Variants in MEX3C observed in about 807,000 individuals in gnomAD.
MEX3C encodes the protein RNA-binding E3 ubiquitin-protein ligase MEX3C.
A neutral mutation model predicts 35.5 loss-of-function variants in MEX3C; 15 were observed. That is an observed-to-expected ratio of 0.42 (90% confidence interval 0.28 to 0.65). MEX3C has a LOEUF of 0.65. MEX3C is among the 30% of genes least tolerant of loss of function. The pLI, the probability that MEX3C is intolerant of heterozygous loss-of-function variation, is 0.20. For missense variants in MEX3C, 711 were observed against 842.8 expected, an observed-to-expected ratio of 0.84 and a Z score of 1.94; for synonymous variants, 390 against 352.8, an observed-to-expected ratio of 1.11 and a Z score of -1.18.
intron 1 of MEX3C, chr18:51,194,103 G>A (rs965008930): frequency 1.3e-5 from 2 of 152,176 alleles, no homozygotes; most frequent in Admixed American, 6.5e-5. Context: ...ATTCTCTCCC[G>A]TGGGGAAATA....
chr18:51,195,631 C>A (rs1021200842), intron 1 of MEX3C: 6 of 152,188 alleles, frequency 3.9e-5, no homozygotes, highest in African/African-American at 1.4e-4. Context: ...CAGGTAACAT[C>A]TGCCCCTTTC....
intron 1 of MEX3C, among the ~76,000 whole-genome samples, chr18:51,192,009 A>G (rs2144557762): frequency 6.6e-6 from 1 of 152,314 alleles, no homozygotes; most frequent in Non-Finnish European, 1.5e-5. Flanking sequence ...TTCAAAACCA[A>G]ATCAGCAATA....
At chr18:51,180,631 C>T (rs936964626) in intron 1 of MEX3C, among the ~76,000 whole-genome samples, 1 of 152,100 alleles carries the variant, frequency 6.6e-6, no homozygotes, top group Admixed American at 6.6e-5. Context: ...GTGCCCACCA[C>T]CACACCCGGG....
rs1206266663 is a variant in MEX3C, at chr18:51,197,575, G to C, written c.-255C>G. ...GTGGGGACGGCGGCGGGGCGGGCTG[G>C]TGGAGGTGGCAGCGGCTCCCCTCTC... On this transcript the variant is annotated 5_prime_UTR_variant, in exon 1 of 2. Transcript: ENST00000406189. Among the ~76,000 whole-genome samples the C allele has an allele frequency of 6.6e-6, 1 of 150,448 alleles. No homozygotes were observed. Among genetic ancestry groups the C allele is most frequent in the Non-Finnish European group, 1.5e-5 (1 of 67,428 alleles).
intron 1 of MEX3C, among the ~76,000 whole-genome samples, chr18:51,178,689 G>A (rs185304511): frequency 2.0e-5 from 3 of 151,790 alleles, no homozygotes; most frequent in East Asian, 2.0e-4. Context: ...GTGAAACCCC[G>A]TCTTTACTAA....
intron 1 of MEX3C, among the ~76,000 whole-genome samples, chr18:51,178,719 G>A (rs1912357005): frequency 6.6e-6 from 1 of 151,812 alleles, no homozygotes; most frequent in African/African-American, 2.4e-5. Context: ...AATTAGCTGG[G>A]CGTGGTGGTG....
intron 1 of MEX3C, among the ~76,000 whole-genome samples, chr18:51,190,655 G>T (rs1912631589): frequency 6.6e-6 from 1 of 151,434 alleles, no homozygotes; most frequent in Admixed American, 6.6e-5. Context: ...TCAAACACTG[G>T]CATGGAAGAG....
In MEX3C at chr18:51,175,792, T is replaced by G. The variant is rs1046113376; in HGVS notation, c.*559A>C. The G allele has an allele frequency of 6.6e-6, 1 of 152,586 alleles. No homozygotes were observed. Among genetic ancestry groups the G allele is most frequent in the East Asian group, 1.9e-4 (1 of 5,200 alleles). The allele number at this position is 152,586 out of a possible 1,614,324, so 9.5% of individuals were successfully genotyped here. ...AATTATAACCAGTGATCTAGTAAAC[T>G]GCCATCAGCCCTATCATTACCAATA... On this transcript the variant is annotated 3_prime_UTR_variant, in exon 2 of 2. Coordinates refer to ENST00000406189, the MANE Select transcript of MEX3C (RefSeq NM_016626.5).
chr18:51,179,734 G>A (rs1912385376), intron 1 of MEX3C, among the ~76,000 whole-genome samples: 1 of 152,172 alleles, frequency 6.6e-6, no homozygotes, highest in African/African-American at 2.4e-5. Flanking sequence ...ATTTATACAG[G>A]CTAAATGTCC....
In MEX3C at chr18:51,196,891, G is replaced by T. The variant is rs1283423800; in HGVS notation, c.430C>A (p.Leu144Met). The T allele has an allele frequency of 1.3e-6, 2 of 1,540,460 alleles. No individual in the cohort carries two copies. Among genetic ancestry groups the T allele is most frequent in the Non-Finnish European group, 8.7e-7 (1 of 1,145,654 alleles). ...EEEDRSSLLL[L>M]SPPAATASQT... ...GAGGCGGTGGCCGCGGGCGGCGACA[G>T]CAGCAGCAGCGACGACCGGTCCTCC... The change falls in exon 1 of 2, where the codon CTG becomes ATG. Residue 144 changes from leucine to methionine, a missense_variant. Leu to Met is a conservative substitution (Grantham distance 15). Transcript: ENST00000406189.
Position 51,196,586 on chromosome 18 carries a change from G to C in MEX3C, c.735C>G (p.Ala245=). 6.3e-7 allele frequency: 1 copy of C among 1,591,372 alleles called. No individual in the cohort carries two copies. The highest frequency in any genetic ancestry group is 8.5e-7 in the Non-Finnish European group (1 of 1,174,616). The stretch of plus-strand genomic sequence containing the variant: ...ACTCACCCTGGCGGCCGACGATCTC[G>C]GCGACGTGCTCGGAGCTGGGCACCG... The part of the protein sequence containing the change: ...CVPVPSSEHV[A]EIVGRQGCKI... Residue 245 remains alanine (A), a synonymous_variant, in exon 1 of 2, where the codon GCC becomes GCG. Coordinates refer to ENST00000406189, the MANE Select transcript of MEX3C (RefSeq NM_016626.5).
chr18:51,191,106 A>G (rs1371093813), intron 1 of MEX3C, among the ~76,000 whole-genome samples: 1 of 152,156 alleles, frequency 6.6e-6, no homozygotes, highest in East Asian at 1.9e-4. Flanking sequence ...GTTTGGTTAC[A>G]AATTCTACAT....
rs1403166431 is a variant in MEX3C at position 51,177,416 on chromosome 18, T to C, written c.915A>G (p.Ala305=). The change falls in exon 2 of 2, where the codon GCA becomes GCG. Residue 305 remains alanine, a synonymous_variant. Transcript: ENST00000406189. This position sits in a 1 kb window ranked among gnomAD's most constrained non-coding sequence, Gnocchi z 4.2. ...SAAEHFSMIR[A]SRNKNGPALG... ...GGGCAGGCCCATTTTTGTTTCGAGA[T>C]GCACGAATCATGGAGAAGTGCTCTG... 2 of 1,614,012 alleles carry C rather than the reference T, an allele frequency of 1.2e-6. No individual in the cohort carries two copies. Among genetic ancestry groups the C allele is most frequent in the East Asian group, 2.2e-5 (1 of 44,874 alleles).
At chr18:51,184,391 G>A (rs559743606) in intron 1 of MEX3C, among the ~76,000 whole-genome samples, 1 of 152,230 alleles carries the variant, frequency 6.6e-6, no homozygotes, top group Non-Finnish European at 1.5e-5. Context: ...GTTGTAAGCT[G>A]CTAAATTAGC....
In MEX3C at chr18:51,197,618, A is replaced by C. The variant is rs919858893; in HGVS notation, c.-298T>G. On this transcript the variant is annotated 5_prime_UTR_variant, in exon 1 of 2. An upstream start codon of the reference 5' UTR is lost. Transcript: ENST00000406189. ...CCCCTCTCAGTGTTTCTTTTGTTTC[A>C]TGGCCTTAACCAGCCCCCGGCGCGC... is the stretch of plus-strand genomic sequence containing the variant. 1.3e-5 allele frequency among the ~76,000 whole-genome samples: 2 copies of C among 150,670 alleles called. No homozygotes were observed. The highest frequency in any genetic ancestry group is 4.9e-5 in the African/African-American group (2 of 40,902).
In MEX3C at chr18:51,175,253, GCA is replaced by G. The variant is rs1282251793; in HGVS notation, c.*1096_*1097del. 2.6e-5 allele frequency: 4 copies of G among 152,478 alleles called. No homozygotes were observed. Among genetic ancestry groups the G allele is most frequent in the African/African-American group, 9.7e-5 (4 of 41,386 alleles). The allele number at this position is 152,478 out of a possible 1,614,324, so 9.4% of individuals were successfully genotyped here. A position where few individuals can be genotyped will look rare whatever the true frequency, so the allele number is the denominator to read the frequency against. On this transcript the variant is annotated 3_prime_UTR_variant, in exon 2 of 2. Coordinates refer to ENST00000406189, the MANE Select transcript of MEX3C (RefSeq NM_016626.5). The stretch of plus-strand genomic sequence containing the variant: ...ATAATGTTTTGTCCTTTCAATGCCA[GCA>G]CAGATTTGGGAACATACTGAGGATG...
At chr18:51,196,460 T>C (rs1037033522) in intron 1 of MEX3C, 107 bp downstream of exon 1, 24 of 1,474,450 alleles carry the variant, frequency 1.6e-5, no homozygotes, top group South Asian at 5.4e-5. Context: ...CGCGGTGGAC[T>C]TGGGGGCCTC....
Position 51,196,974 on chromosome 18 carries a change from T to C in MEX3C, c.347A>G (p.Glu116Gly), listed in dbSNP as rs1439256361. Reference sequence around the variant, plus strand: ...CAGGTCTCCGTCCAGCTCCGCTTCCTCCCCCTCCTCCTCGTCCTCTTCCAG... The same window carrying C: ...CAGGTCTCCGTCCAGCTCCGCTTCCCCCCCCTCCTCCTCGTCCTCTTCCAG... ...LELEEDEEEGEEAELDGDLLE... is the reference protein window; with the variant it reads ...LELEEDEEEGGEAELDGDLLE... Residue 116 changes from glutamate to glycine, a missense_variant, in exon 1 of 2, where the codon GAG becomes GGG. Glu to Gly is a moderately conservative substitution (Grantham distance 98). Coordinates refer to ENST00000406189, the MANE Select transcript of MEX3C (RefSeq NM_016626.5). 4 of 1,537,136 alleles carry C rather than the reference T, an allele frequency of 2.6e-6. No individual in the cohort carries two copies. Among genetic ancestry groups the C allele is most frequent in the African/African-American group, 2.8e-5 (2 of 71,194 alleles).
At chr18:51,182,372 T>C (rs982571262) in intron 1 of MEX3C, among the ~76,000 whole-genome samples, 2 of 152,132 alleles carry the variant, frequency 1.3e-5, no homozygotes, top group Non-Finnish European at 2.9e-5. Flanking sequence ...AATTTAAAAA[T>C]GTGAGGACTA....
Sources: allele counts gnomAD v4.1 joint callset (sites outside exome capture counted in the v4.1 genomes callset), GRCh38; gene constraint gnomAD v4.1.1; non-coding constraint Gnocchi (gnomAD v3.1); transcripts MANE v1.5; gene names NCBI Gene and HGNC (gene_info 2026-07-23, HGNC 2026-07-21).